SGCZ: variants seen among roughly 807,000 people sequenced by gnomAD.
SGCZ encodes the protein sarcoglycan zeta.
SGCZ carries 40 observed loss-of-function variants against 41.3 expected under a neutral mutation model. The ratio of observed to expected loss-of-function variants is 0.97; its 90% CI spans 0.75 to 1.26. SGCZ has a LOEUF of 1.26. SGCZ is among the 50% of genes most tolerant of loss of function. The pLI is 0.00. For synonymous variants in SGCZ, 206 were observed against 137.5 expected, an observed-to-expected ratio of 1.50 and a Z score of -3.49; for missense variants, 552 against 369.8, an observed-to-expected ratio of 1.49 and a Z score of -4.04.
intron 2 of SGCZ, among the ~76,000 whole-genome samples, chr8:14,424,810 A>G (rs543934322): frequency 4.9e-4 from 74 of 152,286 alleles, no homozygotes; most frequent in African/African-American, 1.6e-3. Context: ...TCCTTCATTT[A>G]TCTTTCTACA....
intron 1 of SGCZ, among the ~76,000 whole-genome samples, chr8:15,007,258 C>A (rs1802638256): frequency 6.6e-6 from 1 of 152,266 alleles, no homozygotes; most frequent in East Asian, 1.9e-4. Flanking sequence ...TTTTCACCAC[C>A]TTACTATGAC....
chr8:14,591,793 A>C (rs1457902095), intron 1 of SGCZ, among the ~76,000 whole-genome samples: 2 of 152,156 alleles, frequency 1.3e-5, no homozygotes, highest in Non-Finnish European at 2.9e-5. Context: ...TTTGACATTC[A>C]TGTCAACGAG....
intron 2 of SGCZ, among the ~76,000 whole-genome samples, chr8:14,370,559 T>G (rs1803874690): frequency 6.6e-6 from 1 of 151,970 alleles, no homozygotes; most frequent in South Asian, 2.1e-4. Context: ...TTTATATTCT[T>G]ACTCAAGTTC....
intron 2 of SGCZ, among the ~76,000 whole-genome samples, chr8:14,394,043 T>G (rs984533630): frequency 2.0e-5 from 3 of 152,174 alleles, no homozygotes; most frequent in Non-Finnish European, 4.4e-5. Flanking sequence ...ATGATGAGTT[T>G]TATTTAAAAC....
At chr8:14,999,304 A>T (rs1310442278) in intron 1 of SGCZ, among the ~76,000 whole-genome samples, 1 of 152,220 alleles carries the variant, frequency 6.6e-6, no homozygotes, top group Non-Finnish European at 1.5e-5. Flanking sequence ...ACACATTAAT[A>T]CTTGCTGAGA....
At chr8:14,549,365 T>C (rs1229628748) in intron 2 of SGCZ, among the ~76,000 whole-genome samples, 1 of 152,008 alleles carries the variant, frequency 6.6e-6, no homozygotes, top group Admixed American at 6.6e-5. Flanking sequence ...TGAACAGACT[T>C]GAGTAATGCC....
chr8:14,837,403 G>A (rs1380283674), intron 1 of SGCZ, among the ~76,000 whole-genome samples: 2 of 152,166 alleles, frequency 1.3e-5, no homozygotes, highest in Non-Finnish European at 2.9e-5. Flanking sequence ...TTAAACGAAC[G>A]ATGTGTAGAA....
chr8:14,142,043 C>T (rs537055169), intron 5 of SGCZ, among the ~76,000 whole-genome samples: 5 of 152,276 alleles, frequency 3.3e-5, no homozygotes, highest in South Asian at 2.1e-4. Flanking sequence ...TGGAAACCAT[C>T]ATACTGAGCA....
chr8:14,776,928 T>C (rs1050227221), intron 1 of SGCZ, among the ~76,000 whole-genome samples: 1 of 152,232 alleles, frequency 6.6e-6, no homozygotes, highest in Admixed American at 6.5e-5. Flanking sequence ...CCTTGATGTA[T>C]ACCATGGTAA....
At chr8:14,718,789 T>C (rs996950496) in intron 1 of SGCZ, among the ~76,000 whole-genome samples, 4 of 151,218 alleles carry the variant, frequency 2.6e-5, no homozygotes, top group African/African-American at 9.7e-5. Flanking sequence ...AGTTTAGAAA[T>C]CCCTTCTTCT....
chr8:14,865,366 AC>A (rs1166110560), intron 1 of SGCZ, among the ~76,000 whole-genome samples: 18 of 152,120 alleles, frequency 1.2e-4, no homozygotes, highest in African/African-American at 3.9e-4. Flanking sequence ...AAAGCTCCCT[AC>A]CTCACCTTCC....
intron 1 of SGCZ, among the ~76,000 whole-genome samples, chr8:15,093,686 T>C (rs1240311512): frequency 6.6e-6 from 1 of 152,152 alleles, no homozygotes; most frequent in Non-Finnish European, 1.5e-5. Flanking sequence ...TACGTCAAAG[T>C]AAAAAAATTA....
intron 2 of SGCZ, among the ~76,000 whole-genome samples, chr8:14,456,930 A>G (rs1052060137): frequency 1.3e-5 from 2 of 152,126 alleles, no homozygotes; most frequent in Non-Finnish European, 2.9e-5. Flanking sequence ...TCAGTGTCAC[A>G]TGGCTGTTCT....
chr8:15,000,694 C>G (rs1304767330), intron 1 of SGCZ, among the ~76,000 whole-genome samples: 1 of 152,104 alleles, frequency 6.6e-6, no homozygotes, highest in Non-Finnish European at 1.5e-5. Context: ...GTTGGGGCAA[C>G]CAGCCTTCCC....
At chr8:14,458,339 T>C (rs1800808176) in intron 2 of SGCZ, among the ~76,000 whole-genome samples, 1 of 152,176 alleles carries the variant, frequency 6.6e-6, no homozygotes, top group South Asian at 2.1e-4. Flanking sequence ...CTGGATATCA[T>C]AATGCCAAAG....
At chr8:14,345,232 T>C (rs1802853916) in intron 2 of SGCZ, among the ~76,000 whole-genome samples, 1 of 152,122 alleles carries the variant, frequency 6.6e-6, no homozygotes, top group African/African-American at 2.4e-5. Flanking sequence ...AAGTTTTCAC[T>C]ACACATCCAT....
chr8:14,933,743 C>T (rs750639842), intron 1 of SGCZ, among the ~76,000 whole-genome samples: 1 of 151,972 alleles, frequency 6.6e-6, no homozygotes, highest in Non-Finnish European at 1.5e-5. Flanking sequence ...TGAGCCACCG[C>T]GGCCAGCCTG....
At position 15,233,110 on chromosome 8, in the gene SGCZ, CAAAT is replaced by C. The variant is rs777714771; in HGVS notation, c.39+4471_39+4474del. Among the ~76,000 whole-genome samples, 81 of 151,618 alleles carry C rather than the reference CAAAT, an allele frequency of 5.3e-4. 1 individual carries two copies. Among genetic ancestry groups the C allele is most frequent in the Admixed American group, 4.1e-3 (63 of 15,220 alleles). ...TGATTCCTTTAGATGTGAAACAAGTCAAATAATTCAGTATTCACAAATATGTTTC... is the reference window on the plus strand; with the variant it reads ...TGATTCCTTTAGATGTGAAACAAGTCAATTCAGTATTCACAAATATGTTTC... On this transcript the variant is annotated intron_variant, in intron 1 of 7. Coordinates refer to ENST00000382080, the MANE Select transcript of SGCZ (RefSeq NM_139167.4).
At position 14,423,412 on chromosome 8, in the gene SGCZ, T is replaced by A. The variant is rs192990795; in HGVS notation, c.235-99208A>T. Among the ~76,000 whole-genome samples, 5 of 152,262 alleles carry A rather than the reference T, an allele frequency of 3.3e-5. No individual in the cohort carries two copies. The East Asian group carries it at 9.6e-4, about 29-fold the overall frequency. ...TTTTTCAATAAATTCATAGCTATAATGATAATAATTATTATTTTTTTAAGA... is the reference window on the plus strand; with the variant it reads ...TTTTTCAATAAATTCATAGCTATAAAGATAATAATTATTATTTTTTTAAGA... On this transcript the variant is annotated intron_variant, in intron 2 of 7. Coordinates refer to ENST00000382080, the MANE Select transcript of SGCZ (RefSeq NM_139167.4).
Sources: gnomAD v4.1 joint callset for allele counts (sites outside exome capture counted in the v4.1 genomes callset) on GRCh38, gnomAD v4.1.1 for gene constraint, MANE v1.5 for transcripts, NCBI Gene and HGNC (gene_info 2026-07-23, HGNC 2026-07-21) for gene names.